The following KAZN variants were observed in gnomAD, a reference collection of about 807,000 sequenced individuals.
KAZN encodes kazrin, periplakin interacting protein, also known as kazrin.
KAZN carries 40 observed loss-of-function variants against 87.4 expected under a neutral mutation model. That is an observed-to-expected ratio of 0.46 (90% CI 0.36 to 0.60). KAZN has a LOEUF of 0.60. KAZN is among the 20% of genes least tolerant of loss of function. The pLI, the probability that KAZN is intolerant of heterozygous loss-of-function variation, is 0.00. For missense variants in KAZN, 898 were observed against 1,073.9 expected, an observed-to-expected ratio of 0.84 and a Z score of 2.29; for synonymous variants, 466 against 458.3, an observed-to-expected ratio of 1.02 and a Z score of -0.22.
intron 2 of KAZN, among the ~76,000 whole-genome samples, chr1:14,235,514 A>C (rs1375635662): frequency 1.3e-5 from 2 of 152,186 alleles, no homozygotes; most frequent in Non-Finnish European, 2.9e-5. Context: ...AGCAAAAAAG[A>C]AGCTTCTAAA....
At chr1:14,984,602 T>C (rs1461261942) in intron 2 of KAZN, among the ~76,000 whole-genome samples, 1 of 152,120 alleles carries the variant, frequency 6.6e-6, no homozygotes, top group Non-Finnish European at 1.5e-5. Flanking sequence ...GCAATGCATG[T>C]ATCTAGTGCC....
intron 1 of KAZN, among the ~76,000 whole-genome samples, chr1:14,012,985 C>T (rs1640387478): frequency 6.6e-6 from 1 of 152,134 alleles, no homozygotes; most frequent in Non-Finnish European, 1.5e-5. Context: ...TGATAGAGAC[C>T]AGCATCCCTG....
At chr1:15,085,812 C>T (rs925847626) in intron 8 of KAZN, among the ~76,000 whole-genome samples, 4 of 151,786 alleles carry the variant, frequency 2.6e-5, no homozygotes, top group South Asian at 4.2e-4. Context: ...AGGAGAGAAC[C>T]GAGAGAATGG....
chr1:14,870,442 G>T (rs1289649850), intron 1 of KAZN, among the ~76,000 whole-genome samples: 1 of 152,108 alleles, frequency 6.6e-6, no homozygotes, highest in African/African-American at 2.4e-5. Context: ...TCCTGGGTAC[G>T]AGTGATTCTC....
intron 1 of KAZN, among the ~76,000 whole-genome samples, chr1:14,677,217 T>C (rs1437317856): frequency 1.3e-5 from 2 of 152,214 alleles, no homozygotes; most frequent in Non-Finnish European, 1.5e-5. Context: ...ATTAAGGGGC[T>C]GCCTGGACCG....
At chr1:14,405,496 T>A (rs1663765128) in intron 2 of KAZN, among the ~76,000 whole-genome samples, 3 of 152,068 alleles carry the variant, frequency 2.0e-5, no homozygotes, top group Non-Finnish European at 4.4e-5. Flanking sequence ...GGATAAACAC[T>A]CTGGTTCTAG....
intron 1 of KAZN, among the ~76,000 whole-genome samples, chr1:14,743,080 G>A (rs549681491): frequency 3.9e-5 from 6 of 152,280 alleles, no homozygotes; most frequent in East Asian, 1.9e-4. Context: ...AGAGTGGTGC[G>A]TCGCAGGCAT....
intron 1 of KAZN, chr1:14,692,071 A>G (rs913088396): frequency 4.5e-4 from 124 of 275,250 alleles, no homozygotes; most frequent in Non-Finnish European, 7.2e-5. Context: ...AAAATAATGA[A>G]TTGTAAAATG....
At chr1:14,585,427 C>T (rs755311790) in intron 2 of KAZN, among the ~76,000 whole-genome samples, 2 of 152,138 alleles carry the variant, frequency 1.3e-5, no homozygotes, top group African/African-American at 4.8e-5. Flanking sequence ...TTACCTCAGG[C>T]CAGGTTCAGG....
chr1:14,588,513 T>C (rs2148575915), intron 2 of KAZN, among the ~76,000 whole-genome samples: 1 of 152,328 alleles, frequency 6.6e-6, no homozygotes, highest in African/African-American at 2.4e-5. Context: ...CTGCTTAGCT[T>C]CCGAAGGGAA....
At chr1:14,964,626 A>G (rs1319196521) in intron 2 of KAZN, among the ~76,000 whole-genome samples, 1 of 152,238 alleles carries the variant, frequency 6.6e-6, no homozygotes, top group Non-Finnish European at 1.5e-5. Flanking sequence ...TTATATGCCC[A>G]TAATGAGGAG....
chr1:14,608,686 T>C (rs1677569264), intron 1 of KAZN, among the ~76,000 whole-genome samples: 1 of 152,158 alleles, frequency 6.6e-6, no homozygotes, highest in Non-Finnish European at 1.5e-5. Flanking sequence ...AGCTTTTCTG[T>C]CCTCTTTTCA....
At chr1:14,614,165 T>C (rs1440460294) in intron 1 of KAZN, among the ~76,000 whole-genome samples, 1 of 152,212 alleles carries the variant, frequency 6.6e-6, no homozygotes, top group Non-Finnish European at 1.5e-5. Context: ...TGATCCGTCA[T>C]ATCATTTTCT....
In KAZN at chr1:15,099,548, G is replaced by A. The variant is rs947966655; in HGVS notation, c.1548-1995G>A. On this transcript the variant is annotated intron_variant, in intron 10 of 14. Coordinates refer to ENST00000376030, the MANE Select transcript of KAZN (RefSeq NM_201628.3). This position sits in a 1 kb window ranked among gnomAD's most constrained non-coding sequence, Gnocchi z 5.4. ...CAAGGGGCTGGCCGGGGAGGGGAATGGGGGGTGAAGAGCTCAGTGCCTCCA... is the reference window on the plus strand; with the variant it reads ...CAAGGGGCTGGCCGGGGAGGGGAATAGGGGGTGAAGAGCTCAGTGCCTCCA... Among the ~76,000 whole-genome samples, 6 of 152,108 alleles carry A rather than the reference G, an allele frequency of 3.9e-5. No homozygotes were observed. The highest frequency in any genetic ancestry group is 7.2e-5 in the African/African-American group (3 of 41,416).
intron 2 of KAZN, among the ~76,000 whole-genome samples, chr1:14,522,532 T>C (rs2148466426): frequency 6.6e-6 from 1 of 152,296 alleles, no homozygotes; most frequent in South Asian, 2.1e-4. Context: ...TACAATTTGG[T>C]CTCTTGGATT....
chr1:14,021,436 G>A (rs1461381705), intron 1 of KAZN, among the ~76,000 whole-genome samples: 1 of 152,178 alleles, frequency 6.6e-6, no homozygotes, highest in African/African-American at 2.4e-5. Context: ...GCATGTGGAA[G>A]TTTGAGGAAT....
chr1:13,989,412 C>A (rs2101104860), intron 1 of KAZN, among the ~76,000 whole-genome samples: 1 of 152,230 alleles, frequency 6.6e-6, no homozygotes, highest in South Asian at 2.1e-4. Context: ...AGGCGGGAAT[C>A]AGAGAAACAA....
At chr1:14,061,090 C>T (rs761943429) in intron 1 of KAZN, among the ~76,000 whole-genome samples, 25 of 152,096 alleles carry the variant, frequency 1.6e-4, no homozygotes, top group Admixed American at 2.6e-4. Flanking sequence ...AGGGGAGGAC[C>T]AGGGTGGGAG....
Position 13,950,904 on chromosome 1 carries a change from G to A in KAZN, c.91+57148G>A, listed in dbSNP as rs115804352. On this transcript the variant is annotated intron_variant, in intron 1 of 16. Transcript: ENST00000636203. The stretch of plus-strand genomic sequence containing the variant: ...ACTGTGTGTTAAATAGGTATACAAA[G>A]GAAGGAATCGCCTTCCCAAAAGATG... 4.4e-3 allele frequency among the ~76,000 whole-genome samples: 663 copies of A among 152,266 alleles called. 3 individuals carry two copies. Among genetic ancestry groups the A allele is most frequent in the African/African-American group, 0.015 (635 of 41,542 alleles).
Sources: gnomAD v4.1 joint callset for allele counts (sites outside exome capture counted in the v4.1 genomes callset) on GRCh38, gnomAD v4.1.1 for gene constraint, Gnocchi (gnomAD v3.1) non-coding constraint, MANE v1.5 for transcripts, NCBI Gene and HGNC (gene_info 2026-07-23, HGNC 2026-07-21) for gene names.